SLC4A10: variants seen among roughly 807,000 people sequenced by gnomAD.
The protein encoded by SLC4A10 is solute carrier family 4 member 10, also known as sodium-driven chloride bicarbonate exchanger.
A neutral mutation model predicts 137.7 loss-of-function variants in SLC4A10; 42 were observed. The observed-to-expected ratio is 0.30, with a 90% CI of 0.24 to 0.39. SLC4A10 has a LOEUF of 0.39. SLC4A10 is among the 10% of genes least tolerant of loss of function. SLC4A10 has a pLI of 1.00. For missense variants in SLC4A10, 925 were observed against 1,355.0 expected, an observed-to-expected ratio of 0.68 and a Z score of 4.98; for synonymous variants, 474 against 464.1, an observed-to-expected ratio of 1.02 and a Z score of -0.27.
chr2:161,920,044 C>T (rs1687831177), intron 15 of SLC4A10, among the ~76,000 whole-genome samples: 1 of 151,976 alleles, frequency 6.6e-6, no homozygotes, highest in Non-Finnish European at 1.5e-5. Context: ...ACTGCCTGCC[C>T]CACCACAGCA....
At chr2:161,904,305 A>C (rs1245957539) in intron 13 of SLC4A10, 127 bp downstream of exon 13, 2 of 986,654 alleles carry the variant, frequency 2.0e-6, no homozygotes. Context: ...TGGCAGATAC[A>C]CCTTATATGA....
intron 15 of SLC4A10, among the ~76,000 whole-genome samples, chr2:161,938,358 G>A (rs769536944): frequency 6.6e-6 from 1 of 152,066 alleles, no homozygotes; most frequent in Admixed American, 6.6e-5. Flanking sequence ...AAGGCCTATT[G>A]CCTGGGATCA....
At chr2:161,812,250 C>T (rs1456585012) in intron 3 of SLC4A10, among the ~76,000 whole-genome samples, 2 of 152,064 alleles carry the variant, frequency 1.3e-5, no homozygotes, top group Non-Finnish European at 2.9e-5. Flanking sequence ...TAGTTTTCCA[C>T]CTAGGGAACA....
At chr2:161,649,264 A>G (rs544946815) in intron 1 of SLC4A10, among the ~76,000 whole-genome samples, 1 of 152,170 alleles carries the variant, frequency 6.6e-6, no homozygotes, top group Non-Finnish European at 1.5e-5. Flanking sequence ...GGAAAGCTGA[A>G]ATGGGAGGAT....
At chr2:161,900,819 T>C in intron 11 of SLC4A10, 92 bp from the exon 12 acceptor site, 1 of 892,462 alleles carries the variant, frequency 1.1e-6, no homozygotes, top group South Asian at 1.8e-5. Flanking sequence ...TTGTGCATAT[T>C]GCTTCAAGGA....
chr2:161,907,485 T>C (rs1684714321), intron 15 of SLC4A10, among the ~76,000 whole-genome samples: 1 of 152,186 alleles, frequency 6.6e-6, no homozygotes, highest in Admixed American at 6.5e-5. Context: ...AGGAAAACCA[T>C]GGTGAATCAT....
At chr2:161,734,467 C>A (rs1025589944) in intron 1 of SLC4A10, among the ~76,000 whole-genome samples, 2 of 152,120 alleles carry the variant, frequency 1.3e-5, no homozygotes, top group African/African-American at 4.8e-5. Context: ...CTTCTGAGGC[C>A]TCCCAAGCCA....
At chr2:161,958,641 C>T in intron 21 of SLC4A10, 86 bp downstream of exon 21, 2 of 930,950 alleles carry the variant, frequency 2.1e-6, no homozygotes, top group Non-Finnish European at 3.3e-6. Context: ...GAGAAAATGC[C>T]ACCACCTGAG....
rs1313562446 is a variant in SLC4A10, at chr2:161,893,635, G to A, written c.1195-1044G>A. On this transcript the variant is annotated intron_variant, in intron 10 of 26. Coordinates refer to ENST00000446997, the MANE Select transcript of SLC4A10 (RefSeq NM_001178015.2). ...CAGGAGCTTAAGCCTAGGAGTTCAA[G>A]GCTGCAGTGAGGTATGACTGTGCCA... is the stretch of plus-strand genomic sequence containing the variant. Among the ~76,000 whole-genome samples, 4 of 152,084 alleles carry A rather than the reference G, an allele frequency of 2.6e-5. No individual in the cohort carries two copies. The South Asian group carries it at 8.3e-4, about 32-fold the overall frequency.
intron 3 of SLC4A10, among the ~76,000 whole-genome samples, chr2:161,811,844 A>C (rs999345890): frequency 2.0e-5 from 3 of 152,010 alleles, no homozygotes; most frequent in African/African-American, 7.2e-5. Context: ...CTGGAAACTT[A>C]TGCCATTTCT....
In SLC4A10 at chr2:161,862,874, A is replaced by G; in HGVS notation, c.578A>G (p.Asp193Gly). The G allele has an allele frequency of 2.5e-6, 4 of 1,589,590 alleles. No individual in the cohort carries two copies. Among genetic ancestry groups the G allele is most frequent in the Non-Finnish European group, 3.4e-6 (4 of 1,166,488 alleles). ...TCTTCTTCCGGCCTTTTCTCTTCAG[A>G]TATGGTTCTTGACCAACAAGTGAGC... ...MHANTLEEIADMVLDQQVSSG... is the reference protein window; with the variant it reads ...MHANTLEEIAGMVLDQQVSSG... The change falls in exon 6 of 27, where the codon GAT (aspartate) becomes GGT (glycine). Residue 193 changes from aspartate to glycine, a missense_variant and splice_region_variant. Asp to Gly is a moderately conservative substitution (Grantham distance 94). This residue lies in a region of SLC4A10 where 277 missense variants were observed against 306.1 expected (regional missense o/e 0.90). Transcript: ENST00000446997.
At chr2:161,666,806 G>A (rs1451547494) in intron 1 of SLC4A10, among the ~76,000 whole-genome samples, 3 of 150,538 alleles carry the variant, frequency 2.0e-5, no homozygotes, top group African/African-American at 7.3e-5. Flanking sequence ...AAGAAACAAT[G>A]TAATTTATGT....
chr2:161,919,801 G>C (rs1158980361), intron 15 of SLC4A10, among the ~76,000 whole-genome samples: 1 of 152,176 alleles, frequency 6.6e-6, no homozygotes, highest in African/African-American at 2.4e-5. Context: ...CCATGTTGCA[G>C]GTGAGGAGGA....
Position 161,882,475 on chromosome 2 carries a change from C to T in SLC4A10, c.1194+31C>T, listed in dbSNP as rs550964311. On this transcript the variant is annotated intron_variant, in intron 10 of 26. Transcript: ENST00000446997. ...TATTCAAGTTCTTTGGGAACATTTT[C>T]CCCCATTAGGTATACCTAAAACTTT... 4.2e-5 allele frequency: 62 copies of T among 1,470,400 alleles called. 1 individual carries two copies. In the South Asian group the frequency reaches 7.6e-4, roughly 18 times the overall value. 91.1% of individuals were successfully genotyped at this position (1,470,400 alleles called of 1,614,324 possible). A position where few individuals can be genotyped will look rare whatever the true frequency, so the allele number is the denominator to read the frequency against.
At chr2:161,675,273 A>G (rs886637857) in intron 1 of SLC4A10, among the ~76,000 whole-genome samples, 13 of 152,026 alleles carry the variant, frequency 8.6e-5, no homozygotes, top group African/African-American at 3.1e-4. Context: ...TTTGTATTTT[A>G]TTCTCCAAAG....
intron 1 of SLC4A10, among the ~76,000 whole-genome samples, chr2:161,765,608 CAA>C (rs370721653): frequency 1.7e-4 from 16 of 93,128 alleles, no homozygotes; most frequent in Non-Finnish European, 1.7e-4. Context: ...GAGCAAGACT[CAA>C]AAAAAAAAAA....
At chr2:161,870,266 C>T (rs2061034049) in intron 6 of SLC4A10, among the ~76,000 whole-genome samples, 1 of 151,532 alleles carries the variant, frequency 6.6e-6, no homozygotes, top group Non-Finnish European at 1.5e-5. Flanking sequence ...TTAAAGTATA[C>T]AAATGAAAAC....
chr2:161,685,635 CAAAAA>C lies in SLC4A10; in HGVS notation c.48+61076_48+61080del, dbSNP rs201910372. 5.1e-3 allele frequency among the ~76,000 whole-genome samples: 349 copies of C among 68,020 alleles called. 2 individuals carry two copies. Among genetic ancestry groups the C allele is most frequent in the African/African-American group, 0.016 (297 of 18,236 alleles). 44.6% of individuals were successfully genotyped at this position (68,020 alleles called of 152,430 possible). The stretch of plus-strand genomic sequence containing the variant: ...AAAAACAAACAAACAAACAAACAAA[CAAAAA>C]AAAAAACAAAGAAATTGAGGTTTAG... On this transcript the variant is annotated intron_variant, in intron 1 of 26. Transcript: ENST00000446997.
chr2:161,628,806 G>A (rs1228100835), intron 1 of SLC4A10, among the ~76,000 whole-genome samples: 15 of 152,070 alleles, frequency 9.9e-5, no homozygotes, highest in African/African-American at 3.4e-4. Flanking sequence ...ATGAGTGGTA[G>A]AATCTGAAGG....
Sources: gnomAD v4.1 joint callset for allele counts (sites outside exome capture counted in the v4.1 genomes callset) on GRCh38, gnomAD v4.1.1 for gene constraint, gnomAD v4.1.1 regional missense constraint, MANE v1.5 for transcripts, NCBI Gene and HGNC (gene_info 2026-07-23, HGNC 2026-07-21) for gene names.